Variants in KIAA0232 observed in about 807,000 individuals in gnomAD.
The protein encoded by KIAA0232 is uncharacterized protein KIAA0232.
Under a neutral mutation model 122.0 loss-of-function variants are expected in KIAA0232, and 27 were observed. The ratio of observed to expected loss-of-function variants is 0.22; its 90% confidence interval spans 0.16 to 0.31. The LOEUF is 0.31. KIAA0232 is among the 10% of genes least tolerant of loss of function. The pLI is 1.00. For synonymous variants in KIAA0232, 613 were observed against 587.6 expected (o/e 1.04, Z -0.63); for missense variants, 1,551 against 1,634.2 (o/e 0.95, Z 0.88).
intron 3 of KIAA0232, among the ~76,000 whole-genome samples, chr4:6,834,378 A>T (rs1719156691): frequency 6.6e-6 from 1 of 152,236 alleles, no homozygotes; most frequent in African/African-American, 2.4e-5. Context: ...GACACAAAGT[A>T]AGTGCTCAGT....
intron 7 of KIAA0232, among the ~76,000 whole-genome samples, chr4:6,868,163 C>T (rs1181104204): frequency 6.6e-6 from 1 of 152,196 alleles, no homozygotes; most frequent in Non-Finnish European, 1.5e-5. Flanking sequence ...CCTTTGTTTC[C>T]TTCACCCAGC....
At chr4:6,815,867 C>T (rs148668928) in intron 2 of KIAA0232, among the ~76,000 whole-genome samples, 2 of 152,116 alleles carry the variant, frequency 1.3e-5, no homozygotes, top group African/African-American at 2.4e-5. Context: ...ATCATGTGGG[C>T]GTTCAATATG....
intron 1 of KIAA0232, among the ~76,000 whole-genome samples, chr4:6,789,462 C>T (rs190212482): frequency 5.9e-5 from 9 of 151,774 alleles, no homozygotes; most frequent in East Asian, 3.9e-4. Flanking sequence ...TTAATAGAGA[C>T]GGGGTTTCAC....
intron 9 of KIAA0232, among the ~76,000 whole-genome samples, chr4:6,880,267 T>G (rs374895493): frequency 3.8e-4 from 24 of 62,768 alleles, no homozygotes; most frequent in African/African-American, 9.3e-4. Flanking sequence ...CCTCACCATC[T>G]GTACTGTGTC....
chr4:6,783,368 G>C (rs962383258), intron 1 of KIAA0232, among the ~76,000 whole-genome samples: 59 of 152,200 alleles, frequency 3.9e-4, no homozygotes, highest in Non-Finnish European at 8.8e-5. Flanking sequence ...GCTGCCTCCT[G>C]CCTGGGGCAG....
chr4:6,791,129 A>G (rs1305941919), intron 1 of KIAA0232, among the ~76,000 whole-genome samples: 2 of 151,032 alleles, frequency 1.3e-5, no homozygotes, highest in African/African-American at 4.9e-5. Context: ...CATGTTGCCC[A>G]GGCTGGTCTC....
intron 4 of KIAA0232, 88 bp downstream of exon 4, chr4:6,842,292 C>A: frequency 7.5e-7 from 1 of 1,326,548 alleles, no homozygotes; most frequent in Non-Finnish European, 1.0e-6. Flanking sequence ...CCTCCAAAAA[C>A]TGGGAAAACA....
Position 6,814,942 on chromosome 4 carries a change from A to G in KIAA0232, c.-269-9243A>G, listed in dbSNP as rs543608824. 1.7e-4 allele frequency among the ~76,000 whole-genome samples: 26 copies of G among 152,332 alleles called. 1 individual carries two copies. The South Asian group carries it at 3.5e-3, about 21-fold the overall frequency. On this transcript the variant is annotated intron_variant, in intron 2 of 9. Transcript: ENST00000307659. ...AATAAGTGTTTCCATGTGGGAATAC[A>G]CATGAATTAGGATGATTTGGGCTAA...
intron 8 of KIAA0232, among the ~76,000 whole-genome samples, chr4:6,872,248 T>C (rs1721533176): frequency 6.6e-6 from 1 of 152,220 alleles, no homozygotes; most frequent in Admixed American, 6.5e-5. Flanking sequence ...CTGAAGGCTA[T>C]TGGCCAGGGT....
At position 6,858,481 on chromosome 4, in the gene KIAA0232, C is replaced by T; in HGVS notation, c.493C>T (p.Pro165Ser). 1.2e-6 allele frequency: 2 copies of T among 1,607,674 alleles called. No homozygotes were observed. The highest frequency in any genetic ancestry group is 1.1e-5 in the South Asian group (1 of 89,814). Residue 165 changes from proline to serine, a missense_variant, in exon 6 of 10, where the codon CCT becomes TCT. Physicochemically the swap from Pro to Ser is moderately conservative, Grantham distance 74. Around this residue, in one of 5 missense-constraint regions of KIAA0232, gnomAD observed 377 missense variants for 381.7 expected, o/e 0.99. Coordinates refer to ENST00000307659, the MANE Select transcript of KIAA0232 (RefSeq NM_014743.3). ...TCCCTCTCCAGAGGCAGAATTATCCCCTCCAGCAAAGGATCAAGTGGAAAT... is the reference window on the plus strand; with the variant it reads ...TCCCTCTCCAGAGGCAGAATTATCCTCTCCAGCAAAGGATCAAGTGGAAAT... Reference protein sequence around the residue: ...GSPSPEAELSPPAKDQVEMYY... With the variant: ...GSPSPEAELSSPAKDQVEMYY...
At chr4:6,788,660 C>A (rs1319916054) in intron 1 of KIAA0232, among the ~76,000 whole-genome samples, 1 of 152,174 alleles carries the variant, frequency 6.6e-6, no homozygotes, top group Non-Finnish European at 1.5e-5. Context: ...TAGTCTTTTA[C>A]ATAGTACTCA....
rs150644565 is a variant in KIAA0232, at chr4:6,789,600, G to A, written c.-354+6759G>A. 2.6e-5 allele frequency among the ~76,000 whole-genome samples: 4 copies of A among 152,212 alleles called. No homozygotes were observed. The South Asian group carries it at 6.2e-4, about 24-fold the overall frequency. ...CATCTCATTTTCAACTTGCATCTACGTTCTTTCATTAATTTTGTGACTGAG... is the reference window on the plus strand; with the variant it reads ...CATCTCATTTTCAACTTGCATCTACATTCTTTCATTAATTTTGTGACTGAG... On this transcript the variant is annotated intron_variant, in intron 1 of 9. Coordinates refer to ENST00000307659, the MANE Select transcript of KIAA0232 (RefSeq NM_014743.3).
rs1720528270 is a variant in KIAA0232, at chr4:6,855,565, A to T, written c.370-1599A>T. Among the ~76,000 whole-genome samples, 1 of 152,098 alleles carries T rather than the reference A, an allele frequency of 6.6e-6. No individual in the cohort carries two copies. Among genetic ancestry groups the T allele is most frequent in the African/African-American group, 2.4e-5 (1 of 41,410 alleles). ...GACAGCAAATATATATATATCACTC[A>T]TATAGTATACATATTTACTCATATA... is the stretch of plus-strand genomic sequence containing the variant. On this transcript the variant is annotated intron_variant, in intron 4 of 9. Transcript: ENST00000307659. This position sits in a 1 kb window ranked among gnomAD's most constrained non-coding sequence, Gnocchi z 4.3.
intron 8 of KIAA0232, among the ~76,000 whole-genome samples, chr4:6,873,281 G>C (rs1195710537): frequency 6.6e-6 from 1 of 152,202 alleles, no homozygotes; most frequent in Non-Finnish European, 1.5e-5. Flanking sequence ...TGATTCTTGT[G>C]GTCCAGAAGT....
rs554842132 is a variant in KIAA0232, at chr4:6,881,653, C to T, written c.*687C>T. The T allele has an allele frequency of 6.5e-6, 1 of 152,676 alleles. No homozygotes were observed. Among genetic ancestry groups the T allele is most frequent in the East Asian group, 1.9e-4 (1 of 5,178 alleles). 9.5% of individuals were successfully genotyped at this position (152,676 alleles called of 1,614,324 possible). ...AAGCCAAGGATTTGGGGTGTGGGGT[C>T]GTATGCGAGACACAGTGGGGTAAGG... On this transcript the variant is annotated 3_prime_UTR_variant, in exon 10 of 10. Transcript: ENST00000307659.
At chr4:6,790,557 T>C (rs1163945272) in intron 1 of KIAA0232, among the ~76,000 whole-genome samples, 2 of 151,926 alleles carry the variant, frequency 1.3e-5, no homozygotes, top group Non-Finnish European at 2.9e-5. Flanking sequence ...TAATTTTTAT[T>C]CTTTTTATGT....
Position 6,848,063 on chromosome 4 carries a change from G to A in KIAA0232, c.369+5859G>A, listed in dbSNP as rs111764519. Among the ~76,000 whole-genome samples, 821 of 152,208 alleles carry A rather than the reference G, an allele frequency of 5.4e-3. 3 individuals are homozygous for A. Among genetic ancestry groups the A allele is most frequent in the African/African-American group, 0.019 (770 of 41,522 alleles). ...TGGGGTGTTAGTTTTGAAGGTAACA[G>A]CACTGCAGCTTACCCTGGGGAGCTG... is the stretch of plus-strand genomic sequence containing the variant. On this transcript the variant is annotated intron_variant, in intron 4 of 9. Coordinates refer to ENST00000307659, the MANE Select transcript of KIAA0232 (RefSeq NM_014743.3).
At chr4:6,875,173 C>G (rs1438774397) in intron 8 of KIAA0232, among the ~76,000 whole-genome samples, 8 of 152,230 alleles carry the variant, frequency 5.3e-5, no homozygotes, top group Non-Finnish European at 8.8e-5. Context: ...CTAGGGCAAC[C>G]ACGCCTCCAA....
At chr4:6,810,132 C>T (rs1384070904) in intron 2 of KIAA0232, among the ~76,000 whole-genome samples, 2 of 151,966 alleles carry the variant, frequency 1.3e-5, no homozygotes, top group African/African-American at 4.8e-5. Context: ...CAATCCTGAC[C>T]AAAAAGAACA....
Sources: gnomAD v4.1 joint callset for allele counts (sites outside exome capture counted in the v4.1 genomes callset) on GRCh38, gnomAD v4.1.1 for gene constraint, gnomAD v4.1.1 regional missense constraint, Gnocchi (gnomAD v3.1) non-coding constraint, MANE v1.5 for transcripts, NCBI Gene and HGNC (gene_info 2026-07-23, HGNC 2026-07-21) for gene names.